The following CPA6 variants were observed in gnomAD, a reference collection of about 807,000 sequenced individuals.
CPA6 encodes carboxypeptidase B.
In CPA6, 58 loss-of-function variants were observed where a neutral mutation model predicts 63.3. The observed-to-expected ratio is 0.92, with a 90% CI of 0.74 to 1.14. CPA6 has a LOEUF of 1.14. Ranked by LOEUF, CPA6 falls within the 50% of genes most tolerant of loss-of-function variation. The probability of loss-of-function intolerance (pLI) is 0.00; values close to 1 mark genes in which losing one functional copy is unlikely to be tolerated. For missense variants in CPA6, 565 were observed against 526.6 expected, an observed-to-expected ratio of 1.07 and a Z score of -0.71; for synonymous variants, 185 against 179.0, an observed-to-expected ratio of 1.03 and a Z score of -0.27.
chr8:67,478,843 C>T (rs111865891), intron 8 of CPA6, among the ~76,000 whole-genome samples: 10,203 of 151,998 alleles, frequency 0.067, 792 homozygotes, highest in African/African-American at 0.19. Flanking sequence ...TCGAGACCAG[C>T]CTGGCCAACA....
chr8:67,733,890 T>G (rs2129003370), intron 1 of CPA6, among the ~76,000 whole-genome samples: 1 of 134,244 alleles, frequency 7.4e-6, no homozygotes, highest in South Asian at 2.5e-4. Flanking sequence ...TTGCCCAGGC[T>G]GGAGTGCAGT....
intron 1 of CPA6, among the ~76,000 whole-genome samples, chr8:67,734,361 AG>A (rs1260447034): frequency 6.6e-6 from 1 of 151,776 alleles, no homozygotes; most frequent in Admixed American, 6.6e-5. Context: ...AAAAAAAAAA[AG>A]AAAACCCTTA....
At chr8:67,665,171 A>AAAAACAAAAC (rs746156478) in intron 1 of CPA6, among the ~76,000 whole-genome samples, 1 of 152,196 alleles carries the variant, frequency 6.6e-6, no homozygotes, top group Admixed American at 6.5e-5. Flanking sequence ...TCTTCACGGG[A>AAAAACAAAAC]AAAACAAAAC....
chr8:67,719,841 G>A (rs1414065919), intron 1 of CPA6, among the ~76,000 whole-genome samples: 2 of 152,156 alleles, frequency 1.3e-5, no homozygotes, highest in Non-Finnish European at 2.9e-5. Context: ...AATAAGGAAA[G>A]GGGGCAGGGA....
At chr8:67,691,330 T>G (rs938264966) in intron 1 of CPA6, among the ~76,000 whole-genome samples, 2 of 152,214 alleles carry the variant, frequency 1.3e-5, no homozygotes, top group African/African-American at 4.8e-5. Context: ...CTGTGGACTG[T>G]ATTTTTTGGC....
intron 1 of CPA6, among the ~76,000 whole-genome samples, chr8:67,686,727 G>A (rs1344029694): frequency 1.3e-5 from 2 of 152,200 alleles, no homozygotes; most frequent in Non-Finnish European, 2.9e-5. Context: ...CAGTTAACAA[G>A]CTGAGGTTGT....
intron 2 of CPA6, among the ~76,000 whole-genome samples, chr8:67,573,423 G>C (rs1813536431): frequency 6.6e-6 from 1 of 152,124 alleles, no homozygotes; most frequent in Non-Finnish European, 1.5e-5. Context: ...ATTCAGTAAA[G>C]TTGCAGAATA....
chr8:67,713,414 G>T (rs1037901683), intron 1 of CPA6, among the ~76,000 whole-genome samples: 7 of 152,008 alleles, frequency 4.6e-5, no homozygotes, highest in Admixed American at 4.6e-4. Context: ...TGATTAAGTA[G>T]TGTGTCTGCA....
In CPA6 at chr8:67,693,595, G is replaced by A. The variant is rs529396381; in HGVS notation, c.116+52419C>T. Among the ~76,000 whole-genome samples the A allele has an allele frequency of 4.6e-5, 7 of 152,320 alleles. No individual in the cohort carries two copies. The East Asian group carries it at 5.8e-4, about 13-fold the overall frequency. ...TAGGTTGTAAAGGCAGAGGCCCCAC[G>A]AATGGGATTAGTGCCCTAATGAAAG... is the stretch of plus-strand genomic sequence containing the variant. On this transcript the variant is annotated intron_variant, in intron 1 of 10. Transcript: ENST00000297770.
At chr8:67,459,574 G>A (rs1231822972) in intron 8 of CPA6, among the ~76,000 whole-genome samples, 2 of 152,210 alleles carry the variant, frequency 1.3e-5, no homozygotes, top group African/African-American at 2.4e-5. Context: ...AAACCGTGAG[G>A]GAAGTAAAAG....
intron 2 of CPA6, among the ~76,000 whole-genome samples, chr8:67,524,900 A>G (rs1273324190): frequency 1.3e-5 from 2 of 152,114 alleles, no homozygotes; most frequent in Admixed American, 1.3e-4. Context: ...CTCAACTTAC[A>G]TGTCCTTAAT....
chr8:67,672,327 G>A (rs1374092315), intron 1 of CPA6, among the ~76,000 whole-genome samples: 1 of 152,132 alleles, frequency 6.6e-6, no homozygotes, highest in African/African-American at 2.4e-5. Context: ...CACTCCGTGT[G>A]TAAAATTTTC....
intron 8 of CPA6, among the ~76,000 whole-genome samples, chr8:67,459,075 C>T (rs1340474071): frequency 1.3e-5 from 2 of 152,212 alleles, no homozygotes; most frequent in African/African-American, 4.8e-5. Context: ...CATACCCACA[C>T]AAGCATGCAC....
intron 6 of CPA6, among the ~76,000 whole-genome samples, chr8:67,501,238 C>G (rs551260147): frequency 1.3e-5 from 2 of 151,952 alleles, no homozygotes; most frequent in Admixed American, 6.6e-5. Flanking sequence ...TTTATTTCAC[C>G]AGCATTTTGT....
At chr8:67,595,761 G>C (rs994444881) in intron 2 of CPA6, among the ~76,000 whole-genome samples, 24 of 152,108 alleles carry the variant, frequency 1.6e-4, no homozygotes, top group African/African-American at 5.6e-4. Flanking sequence ...GGTGGGAGTG[G>C]CCTGATTTTC....
chr8:67,546,351 C>T, intron 2 of CPA6, among the ~76,000 whole-genome samples: 1 of 152,278 alleles, frequency 6.6e-6, no homozygotes, highest in East Asian at 1.9e-4. Context: ...GGCCGAGTGA[C>T]TAGGATAGCA....
rs138630835 is a variant in CPA6 at position 67,600,887 on chromosome 8, C to T, written c.192+23289G>A. ...TTTTCATAAATGCAGAAGCTAAGAT[C>T]GCAATATTAATCAAATATTTTTATA... On this transcript the variant is annotated intron_variant, in intron 2 of 10. Coordinates refer to ENST00000297770, the MANE Select transcript of CPA6 (RefSeq NM_020361.5). Among the ~76,000 whole-genome samples the T allele has an allele frequency of 6.5e-3, 986 of 152,216 alleles. 5 individuals are homozygous for T. Among genetic ancestry groups the T allele is most frequent in the African/African-American group, 0.021 (887 of 41,550 alleles).
chr8:67,631,138 T>C (rs10087399), intron 1 of CPA6, among the ~76,000 whole-genome samples: 55,056 of 152,160 alleles, frequency 0.36, 11,218 homozygotes, highest in African/African-American at 0.56. Flanking sequence ...GCTCCACCCG[T>C]GGCCCCGGTG....
At chr8:67,475,013 C>T (rs1322996538) in intron 8 of CPA6, among the ~76,000 whole-genome samples, 1 of 151,994 alleles carries the variant, frequency 6.6e-6, no homozygotes, top group Admixed American at 6.6e-5. Context: ...AACAAAAAAA[C>T]CCAAAAAACC....
Sources: gnomAD v4.1 joint callset for allele counts (sites outside exome capture counted in the v4.1 genomes callset) on GRCh38, gnomAD v4.1.1 for gene constraint, MANE v1.5 for transcripts, NCBI Gene and HGNC (gene_info 2026-07-23, HGNC 2026-07-21) for gene names.